The following NR6A1 variants were observed in gnomAD, a reference collection of about 807,000 sequenced individuals.
The protein encoded by NR6A1 is retinoic acid receptor-related testis-associated receptor.
In NR6A1, 7 loss-of-function variants were observed where a neutral mutation model predicts 59.1. The observed-to-expected ratio is 0.12, with a 90% CI of 0.07 to 0.22. NR6A1 has a LOEUF of 0.22. Among genes scored for constraint, NR6A1 ranks in the 10% least tolerant of loss-of-function variants. The pLI is 1.00. For synonymous variants in NR6A1, 243 were observed against 236.1 expected, an observed-to-expected ratio of 1.03 and a Z score of -0.27; for missense variants, 468 against 611.6, an observed-to-expected ratio of 0.77 and a Z score of 2.48.
chr9:124,673,671 A>G (rs1285572883), intron 2 of NR6A1, among the ~76,000 whole-genome samples: 3 of 152,124 alleles, frequency 2.0e-5, no homozygotes, highest in African/African-American at 7.2e-5. Flanking sequence ...TTAAAGAAAA[A>G]AGTTAAAGCT....
At chr9:124,586,693 C>T (rs769971473) in intron 2 of NR6A1, among the ~76,000 whole-genome samples, 9 of 152,250 alleles carry the variant, frequency 5.9e-5, no homozygotes, top group Middle Eastern at 3.4e-3. Context: ...AAGCAATCCT[C>T]CTTCATTGGC....
chr9:124,706,021 C>T (rs934728278), intron 2 of NR6A1, among the ~76,000 whole-genome samples: 1 of 152,216 alleles, frequency 6.6e-6, no homozygotes, highest in Admixed American at 6.5e-5. Context: ...GGTGATCCAC[C>T]TGCCTCGGCC....
chr9:124,654,519 G>A (rs1320522023), intron 2 of NR6A1, among the ~76,000 whole-genome samples: 1 of 152,038 alleles, frequency 6.6e-6, no homozygotes, highest in Non-Finnish European at 1.5e-5. Flanking sequence ...AATCCCACAT[G>A]AGAGCTCTTG....
chr9:124,578,831 C>T (rs4240486), intron 2 of NR6A1, among the ~76,000 whole-genome samples: 93,728 of 152,086 alleles, frequency 0.62, 30,476 homozygotes, highest in African/African-American at 0.83. Flanking sequence ...CCAATTTAAT[C>T]CTACCCTTCC....
intron 7 of NR6A1, among the ~76,000 whole-genome samples, chr9:124,529,702 A>G (rs1833040421): frequency 6.6e-6 from 1 of 152,190 alleles, no homozygotes; most frequent in South Asian, 2.1e-4. Flanking sequence ...AGCAACTCAG[A>G]GCAGGGCCCA....
rs139154430 is a variant in NR6A1 at position 124,768,341 on chromosome 9, A to T, written c.100+2679T>A. On this transcript the variant is annotated intron_variant, in intron 1 of 9. Transcript: ENST00000487099. Reference sequence around the variant, plus strand: ...AACAAGCAGTTTCATATATTTTTGGAGAAAAATATTAATTAGGAAGCAAAA... The same window carrying T: ...AACAAGCAGTTTCATATATTTTTGGTGAAAAATATTAATTAGGAAGCAAAA... Among the ~76,000 whole-genome samples the T allele has an allele frequency of 2.0e-3, 304 of 152,338 alleles. 1 individual carries two copies. Among genetic ancestry groups the T allele is most frequent in the African/African-American group, 7.0e-3 (290 of 41,578 alleles).
chr9:124,619,560 G>A (rs920258654), intron 2 of NR6A1, among the ~76,000 whole-genome samples: 3 of 152,062 alleles, frequency 2.0e-5, no homozygotes, highest in Non-Finnish European at 4.4e-5. Flanking sequence ...ACCATACCTG[G>A]ACTATAATTT....
chr9:124,632,356 C>A (rs940268545), intron 2 of NR6A1, among the ~76,000 whole-genome samples: 13 of 152,132 alleles, frequency 8.5e-5, no homozygotes, highest in Admixed American at 8.5e-4. Context: ...TAATAACAGC[C>A]ATTCTGACTG....
Position 124,540,013 on chromosome 9 carries a change from GGGTT to G in NR6A1, c.596+16_596+19del. 6.4e-7 allele frequency: 1 copy of G among 1,557,272 alleles called. No homozygotes were observed. ...TGGGGGATCCCTAGATGATGACCAT[GGGTT>G]TGCCTTAAAGCTCACCTGGAAGACA... On this transcript the variant is annotated intron_variant, in intron 5 of 9. Transcript: ENST00000487099.
intron 2 of NR6A1, among the ~76,000 whole-genome samples, chr9:124,643,672 G>C: frequency 6.7e-6 from 1 of 148,906 alleles, no homozygotes; most frequent in East Asian, 2.0e-4. Flanking sequence ...GGCTGACATG[G>C]AAGGATTGCT....
chr9:124,751,725 C>G (rs2131174456), intron 1 of NR6A1, among the ~76,000 whole-genome samples: 1 of 152,240 alleles, frequency 6.6e-6, no homozygotes, highest in East Asian at 1.9e-4. Flanking sequence ...AGTAAATGTT[C>G]AGAGATATGG....
rs918997127 is a variant in NR6A1 at position 124,520,577 on chromosome 9, A to G, written c.*2128T>C. The G allele has an allele frequency of 4.6e-5, 7 of 152,242 alleles. No individual in the cohort carries two copies. Among genetic ancestry groups the G allele is most frequent in the East Asian group, 3.8e-4 (2 of 5,204 alleles). 9.4% of individuals were successfully genotyped at this position (152,242 alleles called of 1,614,324 possible). A position where few individuals can be genotyped will look rare whatever the true frequency, so the allele number is the denominator to read the frequency against. On this transcript the variant is annotated 3_prime_UTR_variant, in exon 10 of 10. Transcript: ENST00000487099. ...ATGTTTAATTTGAAAAGCAATTTCAAAAATAATAATTGGACAGATAGAGGC... is the reference window on the plus strand; with the variant it reads ...ATGTTTAATTTGAAAAGCAATTTCAGAAATAATAATTGGACAGATAGAGGC...
chr9:124,581,080 C>G (rs1834750538), intron 2 of NR6A1, among the ~76,000 whole-genome samples: 1 of 152,066 alleles, frequency 6.6e-6, no homozygotes, highest in African/African-American at 2.4e-5. Flanking sequence ...GAAATTGGAT[C>G]CCTTCCTTAT....
chr9:124,650,498 G>A (rs1270991207), intron 2 of NR6A1, among the ~76,000 whole-genome samples: 1 of 152,154 alleles, frequency 6.6e-6, no homozygotes, highest in Non-Finnish European at 1.5e-5. Context: ...TACAGTTAGA[G>A]AGAAGGAATA....
intron 2 of NR6A1, among the ~76,000 whole-genome samples, chr9:124,583,593 T>C (rs754695689): frequency 2.0e-5 from 3 of 152,158 alleles, no homozygotes; most frequent in Admixed American, 2.0e-4. Flanking sequence ...CACTCACAGA[T>C]CAAAGTTCTC....
chr9:124,765,285 C>T (rs1840898829), intron 1 of NR6A1, among the ~76,000 whole-genome samples: 1 of 152,176 alleles, frequency 6.6e-6, no homozygotes, highest in South Asian at 2.1e-4. Flanking sequence ...AAACTCAGAA[C>T]ACTTGAAGCC....
intron 2 of NR6A1, among the ~76,000 whole-genome samples, chr9:124,634,128 G>A (rs565358683): frequency 1.3e-5 from 2 of 152,136 alleles, no homozygotes; most frequent in African/African-American, 2.4e-5. Flanking sequence ...CACTGTAAAC[G>A]CTACACAATA....
At chr9:124,727,507 T>C (rs544308926) in intron 2 of NR6A1, among the ~76,000 whole-genome samples, 1 of 152,334 alleles carries the variant, frequency 6.6e-6, no homozygotes, top group Non-Finnish European at 1.5e-5. Flanking sequence ...AAGGGTTCCA[T>C]TACGTTAACA....
intron 2 of NR6A1, among the ~76,000 whole-genome samples, chr9:124,649,638 C>G (rs1408294068): frequency 3.3e-5 from 5 of 151,900 alleles, no homozygotes; most frequent in Admixed American, 3.3e-4. Flanking sequence ...TTCTGCATAG[C>G]AAAGAAAACA....
Sources: allele counts gnomAD v4.1 joint callset (sites outside exome capture counted in the v4.1 genomes callset), GRCh38; gene constraint gnomAD v4.1.1; transcripts MANE v1.5; gene names NCBI Gene and HGNC (gene_info 2026-07-23, HGNC 2026-07-21).